Variants in ANKRD12 observed in about 807,000 individuals in gnomAD.
ANKRD12 encodes the protein ankyrin repeat domain-containing protein 12.
Under a neutral mutation model 183.4 loss-of-function variants are expected in ANKRD12, and 85 were observed. The ratio of observed to expected loss-of-function variants is 0.46; its 90% CI spans 0.39 to 0.56. The LOEUF is 0.56. Ranked by LOEUF, ANKRD12 falls within the 20% of genes least tolerant of loss-of-function variation. The pLI, the probability that ANKRD12 is intolerant of heterozygous loss-of-function variation, is 0.00. For missense variants in ANKRD12, 2,405 were observed against 2,357.1 expected (o/e 1.02, Z -0.42); for synonymous variants, 914 against 800.2 (o/e 1.14, Z -2.40).
intron 8 of ANKRD12, chr18:9,249,743 A>C (rs944941462): frequency 6.6e-6 from 1 of 152,234 alleles, no homozygotes; most frequent in Non-Finnish European, 1.5e-5. Context: ...CACTTGGACT[A>C]ACATAGGTAT....
intron 1 of ANKRD12, among the ~76,000 whole-genome samples, chr18:9,146,047 G>A (rs2078481877): frequency 6.6e-6 from 1 of 152,092 alleles, no homozygotes; most frequent in Non-Finnish European, 1.5e-5. Context: ...CACTGAAATA[G>A]GTCTCTTCAA....
chr18:9,263,816 T>C lies in ANKRD12; in HGVS notation c.5691T>C (p.Asp1897=). Residue 1897 remains aspartate (D), a synonymous_variant, in exon 10 of 13, where the codon GAT becomes GAC. Coordinates refer to ENST00000262126, the MANE Select transcript of ANKRD12 (RefSeq NM_015208.5). ...PTITPPPSLS[D]PLKELFRQQE... The stretch of plus-strand genomic sequence containing the variant: ...TTACACCACCACCTTCACTGTCAGA[T>C]CCACTTAAAGAGCTTTTTCGACAAC... 6.4e-7 allele frequency: 1 copy of C among 1,571,568 alleles called. No homozygotes were observed.
chr18:9,256,886 A>G lies in ANKRD12; in HGVS notation c.3619A>G (p.Ile1207Val). The G allele has an allele frequency of 6.2e-7, 1 of 1,613,938 alleles. No homozygotes were observed. The change falls in exon 9 of 13, where the codon ATT becomes GTT. Residue 1207 changes from isoleucine (I) to valine (V), a missense_variant. By Grantham distance (29) the Ile-to-Val change is conservative (BLOSUM62 3). Around this residue, in one of 7 missense-constraint regions of ANKRD12, gnomAD observed 1,983 missense variants for 1,725.9 expected, o/e 1.15. Coordinates refer to ENST00000262126, the MANE Select transcript of ANKRD12 (RefSeq NM_015208.5). ...TCTCAGCTCCAGATCTGTATCCATG[A>G]TTTCTGTTGCTAGTTCAGAAGATTC... ...PGLSSRSVSM[I>V]SVASSEDSCH...
intron 7 of ANKRD12, 67 bp from the exon 8 acceptor site, chr18:9,221,785 C>G: frequency 6.6e-7 from 1 of 1,516,486 alleles, no homozygotes; most frequent in African/African-American, 1.4e-5. Flanking sequence ...TGAGTATTAT[C>G]AAGAGAATGG....
chr18:9,138,987 T>C (rs1036508549), intron 1 of ANKRD12, among the ~76,000 whole-genome samples: 5 of 152,160 alleles, frequency 3.3e-5, no homozygotes, highest in East Asian at 1.9e-4. Context: ...AGTGTACTTA[T>C]GTAGGATACT....
At chr18:9,160,160 A>G (rs1475276155) in intron 1 of ANKRD12, among the ~76,000 whole-genome samples, 1 of 151,944 alleles carries the variant, frequency 6.6e-6, no homozygotes, top group Non-Finnish European at 1.5e-5. Context: ...GGTCCCAGCT[A>G]CTTGGGAGGC....
intron 1 of ANKRD12, among the ~76,000 whole-genome samples, chr18:9,162,924 G>A (rs2031622519): frequency 6.6e-6 from 1 of 151,842 alleles, no homozygotes; most frequent in South Asian, 2.1e-4. Context: ...TAAGTTCCTT[G>A]TAGACTCTGG....
At chr18:9,259,272 C>T (rs2038822001) in intron 9 of ANKRD12, 1 of 167,730 alleles carries the variant, frequency 6.0e-6, no homozygotes, top group Non-Finnish European at 1.3e-5. Flanking sequence ...TTAAATCAAT[C>T]TGTTGACTTT....
At chr18:9,140,014 A>G (rs2078262424) in intron 1 of ANKRD12, among the ~76,000 whole-genome samples, 1 of 152,196 alleles carries the variant, frequency 6.6e-6, no homozygotes, top group Non-Finnish European at 1.5e-5. Flanking sequence ...GCCTGGGTTT[A>G]AATTCTTGAT....
chr18:9,274,221 T>G (rs1332388433), intron 10 of ANKRD12, among the ~76,000 whole-genome samples: 2 of 152,210 alleles, frequency 1.3e-5, no homozygotes, highest in African/African-American at 4.8e-5. Flanking sequence ...CAGATTGCCT[T>G]TAGCTCAAAA....
chr18:9,221,413 G>A (rs1032243132), intron 7 of ANKRD12, among the ~76,000 whole-genome samples: 5 of 152,148 alleles, frequency 3.3e-5, no homozygotes, highest in African/African-American at 1.2e-4. Flanking sequence ...TAAGAGCATT[G>A]ACAGTGATAT....
At chr18:9,212,851 A>G (rs1260442177) in intron 6 of ANKRD12, among the ~76,000 whole-genome samples, 1 of 151,932 alleles carries the variant, frequency 6.6e-6, no homozygotes, top group Non-Finnish European at 1.5e-5. Context: ...AGTGATGGTA[A>G]ACATTTCTTA....
chr18:9,240,510 G>A (rs953666860), intron 8 of ANKRD12, among the ~76,000 whole-genome samples: 3 of 152,050 alleles, frequency 2.0e-5, no homozygotes, highest in Admixed American at 1.3e-4. Flanking sequence ...CACCCCTCCC[G>A]CATACTTACT....
At chr18:9,152,036 G>A (rs2078701764) in intron 1 of ANKRD12, among the ~76,000 whole-genome samples, 1 of 152,132 alleles carries the variant, frequency 6.6e-6, no homozygotes, top group African/African-American at 2.4e-5. Context: ...AGGCAACAAA[G>A]CAAGACCTGG....
At chr18:9,147,722 C>CG (rs2078540545) in intron 1 of ANKRD12, among the ~76,000 whole-genome samples, 1 of 152,114 alleles carries the variant, frequency 6.6e-6, no homozygotes, top group African/African-American at 2.4e-5. Context: ...TAAACTTCAA[C>CG]ATTTCACTGT....
rs555235729 is a variant in ANKRD12, at chr18:9,255,329, A to T, written c.2062A>T (p.Ser688Cys). ...TKDSAKELQR[S>C]VEFDREFWKE... ...GGATAGTGCCAAAGAACTGCAGAGGAGTGTGGAATTTGATAGAGAATTTTG... is the reference window on the plus strand; with the variant it reads ...GGATAGTGCCAAAGAACTGCAGAGGTGTGTGGAATTTGATAGAGAATTTTG... The change falls in exon 9 of 13, where the codon AGT (serine) becomes TGT (cysteine). Residue 688 changes from serine (S) to cysteine (C), a missense_variant. By Grantham distance (112) the Ser-to-Cys change is moderately radical. Around this residue, in one of 7 missense-constraint regions of ANKRD12, gnomAD observed 1,983 missense variants for 1,725.9 expected, o/e 1.15. Transcript: ENST00000262126. 2.6e-5 allele frequency: 41 copies of T among 1,605,888 alleles called. No homozygotes were observed. In the Middle Eastern group the frequency reaches 8.3e-4, roughly 33 times the overall value.
chr18:9,160,428 A>G (rs1347445634), intron 1 of ANKRD12, among the ~76,000 whole-genome samples: 2 of 151,214 alleles, frequency 1.3e-5, no homozygotes, highest in African/African-American at 2.4e-5. Context: ...TATTTTAAGT[A>G]TATAATCCAG....
chr18:9,148,011 C>T (rs191288792), intron 1 of ANKRD12, among the ~76,000 whole-genome samples: 17 of 152,192 alleles, frequency 1.1e-4, no homozygotes, highest in South Asian at 4.1e-4. Flanking sequence ...AAACTTTTTC[C>T]CTATTGACAG....
intron 3 of ANKRD12, among the ~76,000 whole-genome samples, chr18:9,198,604 C>T (rs1319139229): frequency 6.6e-6 from 1 of 152,124 alleles, no homozygotes; most frequent in Admixed American, 6.5e-5. Context: ...GGCTGGAGTG[C>T]AGTGGTGCCA....
Sources: gnomAD v4.1 joint callset for allele counts (sites outside exome capture counted in the v4.1 genomes callset) on GRCh38, gnomAD v4.1.1 for gene constraint, gnomAD v4.1.1 regional missense constraint, MANE v1.5 for transcripts, NCBI Gene and HGNC (gene_info 2026-07-23, HGNC 2026-07-21) for gene names.